Variants in FBXL17 observed in about 807,000 individuals in gnomAD.
FBXL17 encodes the protein F-box and leucine rich repeat protein 17.
In FBXL17, 22 loss-of-function variants were observed where a neutral mutation model predicts 66.2. That is an observed-to-expected ratio of 0.33 (90% confidence interval 0.24 to 0.47). The LOEUF (loss-of-function observed/expected upper bound fraction) is 0.47. Among genes scored for constraint, FBXL17 ranks in the 20% least tolerant of loss-of-function variants. FBXL17 has a pLI of 1.00. For missense variants in FBXL17, 878 were observed against 948.2 expected (o/e 0.93, Z 0.97); for synonymous variants, 474 against 400.5 (o/e 1.18, Z -2.19).
rs1751081388 is a variant in FBXL17 at position 107,941,160 on chromosome 5, CAG to C, written c.1823-59983_1823-59982del. On this transcript the variant is annotated intron_variant, in intron 7 of 8. Transcript: ENST00000542267. Reference sequence around the variant, plus strand: ...CACACTTTTTTCTGCGATTACATTTCAGAGTTACAGGTTTGTTAGCAAGGTGT... The same window carrying C: ...CACACTTTTTTCTGCGATTACATTTCAGTTACAGGTTTGTTAGCAAGGTGT... Among the ~76,000 whole-genome samples, 4 of 151,098 alleles carry C rather than the reference CAG, an allele frequency of 2.6e-5. 1 individual carries two copies. The highest frequency in any genetic ancestry group is 4.2e-4 in the South Asian group (2 of 4,770).
At chr5:108,177,448 G>C (rs1448123200) in intron 6 of FBXL17, among the ~76,000 whole-genome samples, 1 of 152,162 alleles carries the variant, frequency 6.6e-6, no homozygotes, top group Non-Finnish European at 1.5e-5. Context: ...ACCATGTTCA[G>C]AATGATCAAC....
At chr5:108,348,377 A>C (rs749712947) in intron 4 of FBXL17, 22 bp downstream of exon 4, 1 of 1,602,038 alleles carries the variant, frequency 6.2e-7, no homozygotes, top group East Asian at 2.2e-5. Context: ...TGAACAATAC[A>C]AGGATGATAA....
At chr5:108,125,684 A>AT (rs1254985436) in intron 6 of FBXL17, among the ~76,000 whole-genome samples, 4 of 152,028 alleles carry the variant, frequency 2.6e-5, no homozygotes, top group Non-Finnish European at 5.9e-5. Context: ...GTTAATAGTA[A>AT]TTTGGGTTGA....
intron 6 of FBXL17, among the ~76,000 whole-genome samples, chr5:108,132,470 T>C (rs1482552591): frequency 1.3e-5 from 2 of 152,324 alleles, no homozygotes; most frequent in East Asian, 3.9e-4. Flanking sequence ...TTAACCAAAA[T>C]GAACACTATT....
Position 108,186,171 on chromosome 5 carries a change from C to T in FBXL17, c.1691G>A (p.Arg564Lys). ...ATTGAGAGAGCTAAGATTTTTGCAC[C>T]TCTTGACAATTTCCATCACGGTTTC... ...DNETVMEIVKRCKNLSSLNLC... is the reference protein window; with the variant it reads ...DNETVMEIVKKCKNLSSLNLC... Residue 564 changes from arginine to lysine, a missense_variant, in exon 6 of 9, where the codon AGG becomes AAG. By Grantham distance (26) the Arg-to-Lys change is conservative. Transcript: ENST00000542267. The T allele has an allele frequency of 6.2e-7, 1 of 1,612,548 alleles. No individual in the cohort carries two copies. Among genetic ancestry groups the T allele is most frequent in the African/African-American group, 1.3e-5 (1 of 74,948 alleles).
intron 3 of FBXL17, among the ~76,000 whole-genome samples, chr5:108,351,821 A>G (rs6869057): frequency 0.25 from 38,206 of 152,230 alleles, 5,177 homozygotes; most frequent in Middle Eastern, 0.33. Context: ...GAATCTACAT[A>G]TCAACAGAAG....
chr5:108,179,049 C>G (rs1752901661), intron 6 of FBXL17, among the ~76,000 whole-genome samples: 1 of 152,188 alleles, frequency 6.6e-6, no homozygotes, highest in African/African-American at 2.4e-5. Context: ...TCCACTGTGA[C>G]ATGACATTCA....
At chr5:107,998,736 T>A (rs532476034) in intron 7 of FBXL17, among the ~76,000 whole-genome samples, 1 of 152,242 alleles carries the variant, frequency 6.6e-6, no homozygotes, top group African/African-American at 2.4e-5. Context: ...TCTTCCTTAT[T>A]GTTGATTTCT....
At chr5:108,125,087 T>C (rs553202729) in intron 6 of FBXL17, among the ~76,000 whole-genome samples, 27 of 152,040 alleles carry the variant, frequency 1.8e-4, no homozygotes, top group African/African-American at 6.5e-4. Context: ...GTTATCTAGG[T>C]ACCAGAAACT....
chr5:108,345,236 C>A (rs1193602934), intron 4 of FBXL17, among the ~76,000 whole-genome samples: 1 of 151,744 alleles, frequency 6.6e-6, no homozygotes, highest in African/African-American at 2.4e-5. Context: ...ACTCAGGAGG[C>A]TGAGGCAGGA....
At chr5:108,283,188 A>G (rs1413287369) in intron 4 of FBXL17, among the ~76,000 whole-genome samples, 1 of 151,918 alleles carries the variant, frequency 6.6e-6, no homozygotes, top group African/African-American at 2.4e-5. Flanking sequence ...GAACTCAAAT[A>G]GCCAAAGCAA....
chr5:108,001,585 C>T (rs867713519), intron 7 of FBXL17, among the ~76,000 whole-genome samples: 2 of 152,004 alleles, frequency 1.3e-5, no homozygotes, highest in South Asian at 2.1e-4. Flanking sequence ...ACTACAAGCT[C>T]CACCTCCTGG....
chr5:108,182,653 C>A, intron 6 of FBXL17, among the ~76,000 whole-genome samples: 1 of 152,032 alleles, frequency 6.6e-6, no homozygotes, highest in East Asian at 1.9e-4. Context: ...CTCTACAATA[C>A]ATATATTTAG....
rs1273507129 is a variant in FBXL17 at position 108,382,095 on chromosome 5, C to G, written c.-404G>C. On this transcript the variant is annotated 5_prime_UTR_variant, in exon 1 of 9. Transcript: ENST00000542267. ...CCGCCGCCGGCGCGCGCACCCGCGA[C>G]TCTGCTCGGAGCCGCAGGAGCGCGC... is the stretch of plus-strand genomic sequence containing the variant. 2.3e-6 allele frequency: 1 copy of G among 437,418 alleles called. No individual in the cohort carries two copies. Among genetic ancestry groups the G allele is most frequent in the Non-Finnish European group, 3.1e-6 (1 of 325,614 alleles). The allele number at this position is 437,418 out of a possible 1,614,324, so 27.1% of individuals were successfully genotyped here. A position where few individuals can be genotyped will look rare whatever the true frequency, so the allele number is the denominator to read the frequency against.
rs566884781 is a variant in FBXL17 at position 108,280,842 on chromosome 5, G to A, written c.1507-56614C>T. 4.6e-5 allele frequency among the ~76,000 whole-genome samples: 7 copies of A among 151,280 alleles called. No individual in the cohort carries two copies. In the East Asian group the frequency reaches 7.7e-4, roughly 17 times the overall value. On this transcript the variant is annotated intron_variant, in intron 4 of 8. Coordinates refer to ENST00000542267, the MANE Select transcript of FBXL17 (RefSeq NM_001163315.3). ...GTAAAAAGAGATATTCCACACAAAC[G>A]TAAATCAAAAGCAAGCAGTAGTAGC...
intron 4 of FBXL17, among the ~76,000 whole-genome samples, chr5:108,269,430 T>C (rs964560878): frequency 6.6e-6 from 1 of 152,096 alleles, no homozygotes; most frequent in Non-Finnish European, 1.5e-5. Flanking sequence ...AAGAAAGGTA[T>C]AACCTCAAGA....
At position 108,122,655 on chromosome 5, in the gene FBXL17, A is replaced by C. The variant is rs369089379; in HGVS notation, c.1745+63462T>G. Among the ~76,000 whole-genome samples the C allele has an allele frequency of 5.3e-5, 8 of 152,340 alleles. No individual in the cohort carries two copies. The East Asian group carries it at 1.5e-3, about 29-fold the overall frequency. ...TAAAACGAATGCCAATTGTGTATTCACACAAAAGCAAGACATTGAGTAACA... is the reference window on the plus strand; with the variant it reads ...TAAAACGAATGCCAATTGTGTATTCCCACAAAAGCAAGACATTGAGTAACA... On this transcript the variant is annotated intron_variant, in intron 6 of 8. Transcript: ENST00000542267.
chr5:108,261,965 C>G (rs1484317517), intron 4 of FBXL17, among the ~76,000 whole-genome samples: 2 of 151,270 alleles, frequency 1.3e-5, no homozygotes, highest in African/African-American at 4.9e-5. Context: ...TCAAGATTCA[C>G]CAAACTTAGG....
chr5:108,328,504 T>A (rs1003837713), intron 4 of FBXL17, among the ~76,000 whole-genome samples: 1 of 151,576 alleles, frequency 6.6e-6, no homozygotes, highest in Admixed American at 6.6e-5. Context: ...TGGGAAAAAA[T>A]GAAAAGAGCC....
Sources: allele counts gnomAD v4.1 joint callset (sites outside exome capture counted in the v4.1 genomes callset), GRCh38; gene constraint gnomAD v4.1.1; transcripts MANE v1.5; gene names NCBI Gene and HGNC (gene_info 2026-07-23, HGNC 2026-07-21).